Variants in MARK1 observed in about 807,000 individuals in gnomAD.
The protein encoded by MARK1 is microtubule affinity regulating kinase 1.
MARK1 carries 40 observed loss-of-function variants against 96.3 expected under a neutral mutation model. The ratio of observed to expected loss-of-function variants is 0.42; its 90% confidence interval spans 0.32 to 0.54. MARK1 has a LOEUF of 0.54. MARK1 is among the 20% of genes least tolerant of loss of function. MARK1 has a pLI of 0.16. For synonymous variants in MARK1, 317 were observed against 341.2 expected (o/e 0.93, Z 0.78); for missense variants, 719 against 984.6 (o/e 0.73, Z 3.61).
chr1:220,570,963 T>C lies in MARK1; in HGVS notation c.52-8391T>C, dbSNP rs1474791775. On this transcript the variant is annotated intron_variant, in intron 1 of 17. Coordinates refer to ENST00000366917, the MANE Select transcript of MARK1 (RefSeq NM_018650.5). The stretch of plus-strand genomic sequence containing the variant: ...ATTTCAATAGCTTTTTCTTTTTCCA[T>C]TGTTAGAACTCATATTTTTGTGTTT... Among the ~76,000 whole-genome samples the C allele has an allele frequency of 2.6e-5, 4 of 152,318 alleles. No homozygotes were observed. In the East Asian group the frequency reaches 7.7e-4, roughly 29 times the overall value.
At chr1:220,565,575 G>T (rs1367932329) in intron 1 of MARK1, among the ~76,000 whole-genome samples, 1 of 152,052 alleles carries the variant, frequency 6.6e-6, no homozygotes, top group Non-Finnish European at 1.5e-5. Flanking sequence ...GGGGTCGGGG[G>T]GAGGGAGGTT....
rs562026549 is a variant in MARK1, at chr1:220,593,251, A to C, written c.310-5080A>C. 8.3e-4 allele frequency among the ~76,000 whole-genome samples: 126 copies of C among 152,318 alleles called. 4 individuals are homozygous for C. The South Asian group carries it at 0.025, about 30-fold the overall frequency. ...GCTTGGGGAACACTATTTTTAAAAAATTATGTTCAATTTTTAAAATTACCT... is the reference window on the plus strand; with the variant it reads ...GCTTGGGGAACACTATTTTTAAAAACTTATGTTCAATTTTTAAAATTACCT... On this transcript the variant is annotated intron_variant, in intron 3 of 17. Transcript: ENST00000366917.
At chr1:220,536,889 C>T (rs1414923276) in intron 1 of MARK1, among the ~76,000 whole-genome samples, 1 of 152,124 alleles carries the variant, frequency 6.6e-6, no homozygotes, top group Non-Finnish European at 1.5e-5. Context: ...CCCCAGTCCT[C>T]TCTTGTTAGA....
At chr1:220,642,469 C>A (rs987614372) in intron 13 of MARK1, among the ~76,000 whole-genome samples, 1 of 152,160 alleles carries the variant, frequency 6.6e-6, no homozygotes, top group Admixed American at 6.5e-5. Flanking sequence ...CAGGGTCTTA[C>A]AGACAGAACT....
rs561690346 is a variant in MARK1, at chr1:220,561,948, G to A, written c.52-17406G>A. ...GTATGTGGGGGAAAACTTACCATGA[G>A]AAGAAGGCCATGATTTCAGAGGGAT... On this transcript the variant is annotated intron_variant, in intron 1 of 17. Transcript: ENST00000366917. Among the ~76,000 whole-genome samples the A allele has an allele frequency of 1.5e-3, 224 of 152,258 alleles. 1 individual carries two copies. The highest frequency in any genetic ancestry group is 3.5e-3 in the South Asian group (17 of 4,816).
chr1:220,642,155 A>G (rs1668308656), intron 13 of MARK1, among the ~76,000 whole-genome samples: 1 of 152,308 alleles, frequency 6.6e-6, no homozygotes, highest in Non-Finnish European at 1.5e-5. Context: ...TCCCCCTCCC[A>G]TGGATCCCCC....
chr1:220,579,210 T>C (rs1664066860), intron 1 of MARK1, 144 bp from the exon 2 acceptor site: 2 of 638,192 alleles, frequency 3.1e-6, no homozygotes, highest in Non-Finnish European at 2.7e-6. Context: ...GAAGAAATTA[T>C]AAATAGAATG....
chr1:220,636,265 G>C (rs2103017654), intron 13 of MARK1, among the ~76,000 whole-genome samples: 1 of 152,156 alleles, frequency 6.6e-6, no homozygotes, highest in East Asian at 1.9e-4. Context: ...AAACTTTCCT[G>C]CTTCATTTTC....
At chr1:220,611,018 C>T (rs1220851455) in intron 6 of MARK1, among the ~76,000 whole-genome samples, 1 of 152,210 alleles carries the variant, frequency 6.6e-6, no homozygotes, top group Non-Finnish European at 1.5e-5. Context: ...CCCAGTTAGG[C>T]TACATGGGGG....
In MARK1 at chr1:220,631,012, A is replaced by G. The variant is rs374415053; in HGVS notation, c.910-23A>G. The G allele has an allele frequency of 1.3e-4, 198 of 1,502,702 alleles. 1 individual carries two copies. Among genetic ancestry groups the G allele is most frequent in the Non-Finnish European group, 1.7e-4 (186 of 1,080,574 alleles). The allele number at this position is 1,502,702 out of a possible 1,614,324, so 93.1% of individuals were successfully genotyped here. A position where few individuals can be genotyped will look rare whatever the true frequency, so the allele number is the denominator to read the frequency against. On this transcript the variant is annotated intron_variant, in intron 9 of 17. Coordinates refer to ENST00000366917, the MANE Select transcript of MARK1 (RefSeq NM_018650.5). ...GGCTGAATGTTCTGATTGACCACAC[A>G]TAATGTAGAGTTTATTTCCTAGCAA...
intron 1 of MARK1, among the ~76,000 whole-genome samples, chr1:220,545,193 C>T (rs1371470987): frequency 6.6e-6 from 1 of 152,158 alleles, no homozygotes; most frequent in African/African-American, 2.4e-5. Context: ...TGCACAAAGT[C>T]CCTGAGTGTG....
At chr1:220,630,162 C>T (rs1458142074) in intron 9 of MARK1, among the ~76,000 whole-genome samples, 1 of 152,122 alleles carries the variant, frequency 6.6e-6, no homozygotes, top group Non-Finnish European at 1.5e-5. Context: ...GGTGATAGCT[C>T]ACTATGGTTT....
chr1:220,590,016 G>A (rs1419918212), intron 3 of MARK1, among the ~76,000 whole-genome samples: 1 of 152,186 alleles, frequency 6.6e-6, no homozygotes, highest in East Asian at 1.9e-4. Flanking sequence ...TTGGCACCTT[G>A]CTGATGAGGA....
intron 1 of MARK1, among the ~76,000 whole-genome samples, chr1:220,548,305 TTTAAG>T (rs1403300292): frequency 2.0e-5 from 3 of 152,206 alleles, no homozygotes; most frequent in Admixed American, 1.3e-4. Context: ...AAAAAATTAA[TTTAAG>T]TTGATATGAT....
intron 3 of MARK1, among the ~76,000 whole-genome samples, chr1:220,586,003 A>ACG (rs1384527636): frequency 0.032 from 1,354 of 41,924 alleles, 21 homozygotes; most frequent in African/African-American, 0.058. Flanking sequence ...ACACACACAC[A>ACG]CACACACACG....
chr1:220,560,712 A>C (rs765927237), intron 1 of MARK1, among the ~76,000 whole-genome samples: 1 of 152,214 alleles, frequency 6.6e-6, no homozygotes, highest in African/African-American at 2.4e-5. Flanking sequence ...TCATCATACT[A>C]TTCAGAATGA....
In MARK1 at chr1:220,662,131, A is replaced by C; in HGVS notation, c.2353A>C (p.Ile785Leu). Residue 785 changes from isoleucine to leucine, a missense_variant, in exon 18 of 18, where the codon ATT becomes CTT. By Grantham distance (5) the Ile-to-Leu change is conservative. Transcript: ENST00000366917. Reference sequence around the variant, plus strand: ...TGGGACATCTATTGCCTTTAAGAACATTGCATCAAAAATAGCAAATGAGCT... The same window carrying C: ...TGGGACATCTATTGCCTTTAAGAACCTTGCATCAAAAATAGCAAATGAGCT... ...ISGTSIAFKNIASKIANELKL is the reference protein window; with the variant it reads ...ISGTSIAFKNLASKIANELKL 1 of 1,613,002 alleles carries C rather than the reference A, an allele frequency of 6.2e-7. No individual in the cohort carries two copies. Among genetic ancestry groups the C allele is most frequent in the Non-Finnish European group, 8.5e-7 (1 of 1,179,460 alleles).
chr1:220,662,251 C>G lies in MARK1; in HGVS notation c.*85C>G, dbSNP rs1669519924. On this transcript the variant is annotated 3_prime_UTR_variant, in exon 18 of 18. Transcript: ENST00000366917. ...ATGTACTGGTAATGCCTAATGTGGT[C>G]TGCCTGTGAATCTCCCCATGTAGAA... The G allele has an allele frequency of 2.0e-6, 2 of 1,014,872 alleles. No homozygotes were observed. Among genetic ancestry groups the G allele is most frequent in the South Asian group, 3.2e-5 (2 of 63,434 alleles). 62.9% of individuals were successfully genotyped at this position (1,014,872 alleles called of 1,614,324 possible). A position where few individuals can be genotyped will look rare whatever the true frequency, so the allele number is the denominator to read the frequency against.
intron 1 of MARK1, among the ~76,000 whole-genome samples, chr1:220,532,468 T>C (rs1477539463): frequency 6.6e-6 from 1 of 152,186 alleles, no homozygotes; most frequent in Admixed American, 6.5e-5. Context: ...AAATCAGTGC[T>C]GTAACACCCC....
Sources: allele counts gnomAD v4.1 joint callset (sites outside exome capture counted in the v4.1 genomes callset), GRCh38; gene constraint gnomAD v4.1.1; transcripts MANE v1.5; gene names NCBI Gene and HGNC (gene_info 2026-07-23, HGNC 2026-07-21).